PREX1: variants seen among roughly 807,000 people sequenced by gnomAD.
PREX1 encodes phosphatidylinositol-3,4,5-trisphosphate dependent Rac exchange factor 1.
PREX1 carries 41 observed loss-of-function variants against 198.3 expected under a neutral mutation model. The ratio of observed to expected loss-of-function variants is 0.21; its 90% CI spans 0.16 to 0.27. The LOEUF is 0.27. Among genes scored for constraint, PREX1 ranks in the 10% least tolerant of loss-of-function variants. The pLI, the probability that PREX1 is intolerant of heterozygous loss-of-function variation, is 1.00. For synonymous variants in PREX1, 843 were observed against 887.2 expected, an observed-to-expected ratio of 0.95 and a Z score of 0.89; for missense variants, 1,620 against 2,200.7, an observed-to-expected ratio of 0.74 and a Z score of 5.28.
chr20:48,824,653 A>G (rs1490313788), intron 1 of PREX1, among the ~76,000 whole-genome samples: 1 of 152,222 alleles, frequency 6.6e-6, no homozygotes, highest in Non-Finnish European at 1.5e-5. Context: ...AGGACCTATT[A>G]ACATCCCTCT....
the PREX1 span, among the ~76,000 whole-genome samples, chr20:48,875,531 G>A: frequency 1.3e-4 from 20 of 152,314 alleles, no homozygotes; most frequent in Non-Finnish European, 2.5e-4. Context: ...CAGTCAGGGC[G>A]GTAAGTGGCT....
intron 1 of PREX1, among the ~76,000 whole-genome samples, chr20:48,797,170 C>A (rs1000848433): frequency 8.5e-5 from 13 of 152,080 alleles, no homozygotes; most frequent in Non-Finnish European, 1.3e-4. Flanking sequence ...ATTCTATCAT[C>A]CCCCTTTACC....
At chr20:48,743,650 G>C (rs1418207965) in intron 3 of PREX1, among the ~76,000 whole-genome samples, 1 of 152,252 alleles carries the variant, frequency 6.6e-6, no homozygotes, top group East Asian at 1.9e-4. Context: ...GCCAGGAGCT[G>C]CACTGAGCAG....
At chr20:48,764,383 C>T (rs2090198437) in intron 1 of PREX1, among the ~76,000 whole-genome samples, 1 of 152,168 alleles carries the variant, frequency 6.6e-6, no homozygotes, top group South Asian at 2.1e-4. Flanking sequence ...ACACCACCTT[C>T]CATGGCAAAA....
chr20:48,766,302 T>A (rs998973799), intron 1 of PREX1, among the ~76,000 whole-genome samples: 2 of 152,160 alleles, frequency 1.3e-5, no homozygotes, highest in Non-Finnish European at 2.9e-5. Context: ...TGGGGACCAC[T>A]GGCCTAGATC....
the PREX1 span, among the ~76,000 whole-genome samples, chr20:48,838,836 G>A: frequency 2.6e-5 from 4 of 151,634 alleles, no homozygotes; most frequent in African/African-American, 9.7e-5. Context: ...AACCATCCTG[G>A]CCAACATGGC....
rs2089266516 is a variant in PREX1 at position 48,625,744 on chromosome 20, G to C, written c.*141C>G. The C allele has an allele frequency of 7.7e-6, 8 of 1,040,968 alleles. No individual in the cohort carries two copies. The highest frequency in any genetic ancestry group is 1.1e-5 in the Non-Finnish European group (8 of 742,472). 64.5% of individuals were successfully genotyped at this position (1,040,968 alleles called of 1,614,324 possible). On this transcript the variant is annotated 3_prime_UTR_variant, in exon 40 of 40. Coordinates refer to ENST00000371941, the MANE Select transcript of PREX1 (RefSeq NM_020820.4). Reference sequence around the variant, plus strand: ...GGTGGCCAGGCTTGTCCCGGAAGGAGGCAGGGAGGACGCTGGGCAGGTCCC... The same window carrying C: ...GGTGGCCAGGCTTGTCCCGGAAGGACGCAGGGAGGACGCTGGGCAGGTCCC...
chr20:48,827,747 C>T lies in PREX1; in HGVS notation c.114G>A (p.Ala38=). ...GCTGGCGCTCGGACTCCCGGGCGGC[C>T]GCGCACGGGCCGGGGCCGGAGCTGG... ...AAPSSGPGPC[A]AARESERQLR... Residue 38 remains alanine, a synonymous_variant, in exon 1 of 40, where the codon GCG becomes GCA. Coordinates refer to ENST00000371941, the MANE Select transcript of PREX1 (RefSeq NM_020820.4). The surrounding 1 kb of genome is among the most constrained non-coding windows in gnomAD (Gnocchi z 4.1). The T allele has an allele frequency of 7.8e-7, 1 of 1,289,420 alleles. No individual in the cohort carries two copies. The highest frequency in any genetic ancestry group is 2.2e-5 in the South Asian group (1 of 46,308). The allele number at this position is 1,289,420 out of a possible 1,614,324, so 79.9% of individuals were successfully genotyped here.
At chr20:48,644,602 T>G in intron 26 of PREX1, 105 bp from the exon 27 acceptor site, 1 of 1,010,954 alleles carries the variant, frequency 9.9e-7, no homozygotes, top group Non-Finnish European at 1.5e-6. Context: ...CCCTGGGCCC[T>G]CAGGTGGGCG....
chr20:48,664,376 A>C (rs2089619797), intron 15 of PREX1, among the ~76,000 whole-genome samples: 1 of 127,722 alleles, frequency 7.8e-6, no homozygotes, highest in African/African-American at 2.7e-5. Flanking sequence ...CTCCGTCTGA[A>C]AAAAAAAAAA....
Position 48,715,019 on chromosome 20 carries a change from G to A in PREX1, c.622-6598C>T, listed in dbSNP as rs561021616. On this transcript the variant is annotated intron_variant, in intron 5 of 39. Coordinates refer to ENST00000371941, the MANE Select transcript of PREX1 (RefSeq NM_020820.4). ...GGTGAGAAGGCTCCTGCCCAATTCAGAACTGAACAGACTGTACTAATAAAT... is the reference window on the plus strand; with the variant it reads ...GGTGAGAAGGCTCCTGCCCAATTCAAAACTGAACAGACTGTACTAATAAAT... Among the ~76,000 whole-genome samples the A allele has an allele frequency of 3.5e-4, 53 of 152,276 alleles. No individual in the cohort carries two copies. In the South Asian group the frequency reaches 0.011, roughly 30 times the overall value.
chr20:48,687,704 A>G (rs2089793405), intron 10 of PREX1, among the ~76,000 whole-genome samples: 2 of 152,200 alleles, frequency 1.3e-5, no homozygotes, highest in Admixed American at 1.3e-4. Flanking sequence ...TCCTCTCCGG[A>G]GTGTCTAGCA....
rs2089578266 is a variant in PREX1 at position 48,659,981 on chromosome 20, T to G, written c.1819A>C (p.Lys607Gln). The G allele has an allele frequency of 6.2e-7, 1 of 1,614,236 alleles. No homozygotes were observed. The highest frequency in any genetic ancestry group is 8.5e-7 in the Non-Finnish European group (1 of 1,180,040). Residue 607 changes from lysine to glutamine, a missense_variant, in exon 16 of 40, where the codon AAG becomes CAG. Lys to Gln is a moderately conservative substitution (Grantham distance 53). Coordinates refer to ENST00000371941, the MANE Select transcript of PREX1 (RefSeq NM_020820.4). ...AAGTCGTTGCGAAGCTGTTTGTTCT[T>G]GCTGCTGGTCCCCTCCATCTCCTCG... is the stretch of plus-strand genomic sequence containing the variant. ...ADEEMEGTSS[K>Q]NKQLRNDFKL... is the part of the protein sequence containing the mutation.
chr20:48,631,923 C>A (rs1402343629), intron 35 of PREX1, among the ~76,000 whole-genome samples: 1 of 152,150 alleles, frequency 6.6e-6, no homozygotes, highest in Non-Finnish European at 1.5e-5. Context: ...TCCCAAGGTC[C>A]CCTGTCCTAG....
At chr20:48,681,678 AGATGGATGGATG>A (rs376886223) in intron 10 of PREX1, among the ~76,000 whole-genome samples, 6 of 150,090 alleles carry the variant, frequency 4.0e-5, no homozygotes, top group South Asian at 2.2e-4. Context: ...GTGACTACAT[AGATGGATGGATG>A]GATGGATGGA....
At chr20:48,659,808 T>C in intron 16 of PREX1, 111 bp downstream of exon 16, 1 of 1,462,008 alleles carries the variant, frequency 6.8e-7, no homozygotes, top group Non-Finnish European at 9.4e-7. Context: ...CCACCTATTC[T>C]GGTACTCCAA....
At chr20:48,739,964 T>C (rs1245161121) in intron 3 of PREX1, among the ~76,000 whole-genome samples, 2 of 152,104 alleles carry the variant, frequency 1.3e-5, no homozygotes, top group Admixed American at 1.3e-4. Context: ...ACAAAGAAAA[T>C]GTCCACTCGG....
rs144246593 is a variant in PREX1 at position 48,789,827 on chromosome 20, C to T, written c.219+37815G>A. On this transcript the variant is annotated intron_variant, in intron 1 of 39. Transcript: ENST00000371941. ...AATACTGGACGGACAGATGAACAGA[C>T]GGACGGATGACAAATGGATGGACAG... 4.5e-3 allele frequency among the ~76,000 whole-genome samples: 684 copies of T among 151,710 alleles called. 22 individuals carry two copies. The highest frequency in any genetic ancestry group is 0.042 in the Admixed American group (635 of 15,244).
rs140333160 is a variant in PREX1 at position 48,633,665 on chromosome 20, G to A, written c.4267+1011C>T. Among the ~76,000 whole-genome samples, 929 of 152,236 alleles carry A rather than the reference G, an allele frequency of 6.1e-3. 3 individuals are homozygous for A. Among genetic ancestry groups the A allele is most frequent in the Middle Eastern group, 0.024 (7 of 294 alleles). On this transcript the variant is annotated intron_variant, in intron 33 of 39. Transcript: ENST00000371941. Reference sequence around the variant, plus strand: ...AAGCCCCCAGGTGCTGCTGGTCCAGGGGCCACGCTCTGAGAACCCCTGCTT... The same window carrying A: ...AAGCCCCCAGGTGCTGCTGGTCCAGAGGCCACGCTCTGAGAACCCCTGCTT...
Sources: allele counts gnomAD v4.1 joint callset (sites outside exome capture counted in the v4.1 genomes callset), GRCh38; gene constraint gnomAD v4.1.1; non-coding constraint Gnocchi (gnomAD v3.1); transcripts MANE v1.5; gene names NCBI Gene and HGNC (gene_info 2026-07-23, HGNC 2026-07-21).